PLPPR1: variants seen among roughly 807,000 people sequenced by gnomAD.
PLPPR1 encodes phospholipid phosphatase-related protein type 1.
In PLPPR1, 10 loss-of-function variants were observed where a neutral mutation model predicts 33.1. That is an observed-to-expected ratio of 0.30 (90% confidence interval 0.19 to 0.51). The LOEUF is 0.51. Among genes scored for constraint, PLPPR1 ranks in the 20% least tolerant of loss-of-function variants. The pLI, the probability that PLPPR1 is intolerant of heterozygous loss-of-function variation, is 0.97. For synonymous variants in PLPPR1, 151 were observed against 151.0 expected, an observed-to-expected ratio of 1.00 and a Z score of 0.00; for missense variants, 304 against 408.1, an observed-to-expected ratio of 0.74 and a Z score of 2.20.
intron 1 of PLPPR1, among the ~76,000 whole-genome samples, chr9:101,145,843 CAAAA>C (rs60592500): frequency 3.1e-5 from 4 of 128,240 alleles, no homozygotes; most frequent in Non-Finnish European, 3.3e-5. Context: ...CTATTTCTAC[CAAAA>C]AAAAAAAAAA....
rs529634158 is a variant in PLPPR1 at position 101,099,814 on chromosome 9, C to G, written c.-46+70712C>G. Among the ~76,000 whole-genome samples the G allele has an allele frequency of 2.0e-5, 3 of 152,220 alleles. No individual in the cohort carries two copies. In the South Asian group the frequency reaches 6.2e-4, roughly 32 times the overall value. On this transcript the variant is annotated intron_variant, in intron 1 of 7. Transcript: ENST00000374874. ...ATGGATACCAAGGGATGACAGTACA[C>G]TAAATAAATATGGCTCACCAGAAAG...
At chr9:101,145,870 G>A (rs1002260109) in intron 1 of PLPPR1, among the ~76,000 whole-genome samples, 1 of 140,692 alleles carries the variant, frequency 7.1e-6, no homozygotes, top group African/African-American at 2.6e-5. Context: ...AATGAAAATA[G>A]CCAAATATGC....
intron 1 of PLPPR1, among the ~76,000 whole-genome samples, chr9:101,098,118 A>T (rs1037712972): frequency 3.9e-5 from 6 of 152,020 alleles, no homozygotes; most frequent in Non-Finnish European, 5.9e-5. Flanking sequence ...CAGAAATATC[A>T]CTCTGGAGGC....
chr9:101,069,196 C>T lies in PLPPR1; in HGVS notation c.-46+40094C>T, dbSNP rs141005748. 3.8e-4 allele frequency among the ~76,000 whole-genome samples: 58 copies of T among 151,964 alleles called. 1 individual carries two copies. The highest frequency in any genetic ancestry group is 1.3e-3 in the African/African-American group (55 of 41,460). Reference sequence around the variant, plus strand: ...TATTAAAATCTACAGCAGCCTGGCTCCTGATAACCTGTGAGTTGCTGGGCG... The same window carrying T: ...TATTAAAATCTACAGCAGCCTGGCTTCTGATAACCTGTGAGTTGCTGGGCG... On this transcript the variant is annotated intron_variant, in intron 1 of 7. Transcript: ENST00000374874.
At chr9:101,085,194 A>G (rs1044382251) in intron 1 of PLPPR1, among the ~76,000 whole-genome samples, 1 of 152,206 alleles carries the variant, frequency 6.6e-6, no homozygotes, top group Admixed American at 6.5e-5. Context: ...GGAGGGGGTG[A>G]AAAAGAGTCC....
At chr9:101,196,645 A>G (rs1826399042) in intron 2 of PLPPR1, among the ~76,000 whole-genome samples, 2 of 152,126 alleles carry the variant, frequency 1.3e-5, no homozygotes, top group Admixed American at 6.5e-5. Context: ...GCGGATCACG[A>G]GGTCAGGAGA....
chr9:101,187,707 A>G (rs1051218754), intron 2 of PLPPR1: 2 of 151,948 alleles, frequency 1.3e-5, no homozygotes, highest in Admixed American at 1.3e-4. Flanking sequence ...AAAAATGTCA[A>G]CTTGACCAAT....
intron 1 of PLPPR1, among the ~76,000 whole-genome samples, chr9:101,126,661 C>T (rs999260968): frequency 6.6e-6 from 1 of 152,148 alleles, no homozygotes; most frequent in African/African-American, 2.4e-5. Context: ...GATTTTCTCT[C>T]CCATTAAGGA....
At chr9:101,131,025 T>TAATC (rs1191485304) in intron 1 of PLPPR1, among the ~76,000 whole-genome samples, 1 of 152,194 alleles carries the variant, frequency 6.6e-6, no homozygotes, top group Non-Finnish European at 1.5e-5. Context: ...GTGAGAATAA[T>TAATC]AATCATGTTA....
chr9:101,253,875 C>A (rs569966177), intron 2 of PLPPR1, among the ~76,000 whole-genome samples: 6 of 152,190 alleles, frequency 3.9e-5, no homozygotes, highest in Middle Eastern at 3.4e-3. Flanking sequence ...TGTATATACC[C>A]TGAAAAGTAT....
At chr9:101,126,936 C>CT (rs934242027) in intron 1 of PLPPR1, among the ~76,000 whole-genome samples, 58 of 152,100 alleles carry the variant, frequency 3.8e-4, no homozygotes, top group African/African-American at 1.3e-3. Flanking sequence ...TCTTTATACG[C>CT]TTTTTTAAAA....
chr9:101,257,579 C>G (rs1247264018), intron 2 of PLPPR1, among the ~76,000 whole-genome samples: 1 of 152,132 alleles, frequency 6.6e-6, no homozygotes, highest in Non-Finnish European at 1.5e-5. Context: ...GTGAAGACTT[C>G]CGAGCAATTT....
chr9:101,253,415 C>T (rs779741955), intron 2 of PLPPR1, among the ~76,000 whole-genome samples: 7 of 151,756 alleles, frequency 4.6e-5, no homozygotes, highest in East Asian at 1.9e-4. Context: ...GGTGTGATGG[C>T]GTACACCTGT....
intron 1 of PLPPR1, among the ~76,000 whole-genome samples, chr9:101,118,817 A>G (rs1344042957): frequency 2.0e-5 from 3 of 151,632 alleles, no homozygotes; most frequent in Admixed American, 6.6e-5. Flanking sequence ...TTTTTTTTCT[A>G]TGACTATCTT....
chr9:101,240,487 G>A (rs1299412490), intron 2 of PLPPR1, among the ~76,000 whole-genome samples: 1 of 151,666 alleles, frequency 6.6e-6, no homozygotes, highest in Non-Finnish European at 1.5e-5. Flanking sequence ...ATTTCTTTGG[G>A]TAGCACAGTC....
intron 2 of PLPPR1, among the ~76,000 whole-genome samples, chr9:101,255,815 T>A (rs1277258555): frequency 2.0e-5 from 3 of 152,178 alleles, no homozygotes; most frequent in Non-Finnish European, 4.4e-5. Flanking sequence ...AATATTTAGA[T>A]GTGCCTTTGC....
At chr9:101,321,495 C>T (rs1829147617) in intron 7 of PLPPR1, among the ~76,000 whole-genome samples, 1 of 152,018 alleles carries the variant, frequency 6.6e-6, no homozygotes, top group South Asian at 2.1e-4. Flanking sequence ...TTTTTCAAAG[C>T]ATTATTTTAT....
In PLPPR1 at chr9:101,081,092, C is replaced by T. The variant is rs576333452; in HGVS notation, c.-46+51990C>T. On this transcript the variant is annotated intron_variant, in intron 1 of 7. Coordinates refer to ENST00000374874, the MANE Select transcript of PLPPR1 (RefSeq NM_207299.2). ...TCACCCATCCTTCCATTCTCTAGCC[C>T]CCAACATTTTAGATTATTGTCTCCT... Among the ~76,000 whole-genome samples the T allele has an allele frequency of 4.6e-5, 7 of 152,246 alleles. No individual in the cohort carries two copies. The South Asian group carries it at 1.5e-3, about 32-fold the overall frequency.
chr9:101,052,370 A>G (rs971946366), intron 1 of PLPPR1, among the ~76,000 whole-genome samples: 2 of 152,210 alleles, frequency 1.3e-5, no homozygotes, highest in African/African-American at 4.8e-5. Flanking sequence ...GAGTAGAGCT[A>G]TGGTGTCTAG....
Sources: allele counts gnomAD v4.1 joint callset (sites outside exome capture counted in the v4.1 genomes callset), GRCh38; gene constraint gnomAD v4.1.1; transcripts MANE v1.5; gene names NCBI Gene and HGNC (gene_info 2026-07-23, HGNC 2026-07-21).